ATP11C: variants seen among roughly 807,000 people sequenced by gnomAD.
ATP11C encodes the protein ATPase phospholipid transporting 11C (ATP11C blood group), also known as phospholipid-transporting ATPase IG.
In ATP11C, 36 loss-of-function variants were observed where a neutral mutation model predicts 97.4. The ratio of observed to expected loss-of-function variants is 0.37; its 90% CI spans 0.28 to 0.49. The LOEUF is 0.49. Among genes scored for constraint, ATP11C ranks in the 20% least tolerant of loss-of-function variants. The probability of loss-of-function intolerance (pLI) is 0.98; values close to 1 mark genes in which losing one functional copy is unlikely to be tolerated. For missense variants in ATP11C, 730 were observed against 824.6 expected (o/e 0.89, Z 1.40); for synonymous variants, 275 against 290.9 (o/e 0.95, Z 0.56).
intron 2 of ATP11C, among the ~76,000 whole-genome samples, chrX:139,824,123 C>CAAA (rs774186718): frequency 3.4e-5 from 2 of 59,301 alleles, no homozygotes; most frequent in African/African-American, 1.2e-4. Flanking sequence ...CTAAAAATAC[C>CAAA]AAAAAAAAAA....
chrX:139,854,731 A>C (rs1326214776), intron 1 of ATP11C, among the ~76,000 whole-genome samples: 1 of 112,680 alleles, frequency 8.9e-6, no homozygotes, highest in African/African-American at 3.2e-5. Flanking sequence ...GCAAAGTAAA[A>C]TATACTTTCA....
In ATP11C at chrX:139,900,238, A is replaced by C. The variant is rs1426410847; in HGVS notation, c.27+31778T>G. On this transcript the variant is annotated intron_variant, in intron 1 of 29. Transcript: ENST00000682941. Reference sequence around the variant, plus strand: ...ACAAAAATTAGCGGGGTGTGGTGGCATGCGCCTGTAGTCCCAGCTACTTGG... The same window carrying C: ...ACAAAAATTAGCGGGGTGTGGTGGCCTGCGCCTGTAGTCCCAGCTACTTGG... Among the ~76,000 whole-genome samples the C allele has an allele frequency of 1.0e-4, 11 of 109,915 alleles. No individual in the cohort carries two copies. In the Admixed American group the frequency reaches 1.1e-3, roughly 11 times the overall value.
At chrX:139,839,397 A>T (rs2485735) in intron 1 of ATP11C, among the ~76,000 whole-genome samples, 1,756 of 112,252 alleles carry the variant, frequency 0.016, 37 homozygotes, top group African/African-American at 0.054. Flanking sequence ...CACCTCAATA[A>T]AAAAGTAACT....
rs771388768 is a variant in ATP11C, at chrX:139,912,611, C to T, written c.27+19405G>A. Among the ~76,000 whole-genome samples, 11 of 111,409 alleles carry T rather than the reference C, an allele frequency of 9.9e-5. No individual in the cohort carries two copies. In the South Asian group the frequency reaches 4.2e-3, roughly 42 times the overall value. ...CCCACCCCCATACCTCAAAAAACTTCCACAATGTGAGGTACATATTAGGAA... is the reference window on the plus strand; with the variant it reads ...CCCACCCCCATACCTCAAAAAACTTTCACAATGTGAGGTACATATTAGGAA... On this transcript the variant is annotated intron_variant, in intron 1 of 29. Coordinates refer to ENST00000682941, the MANE Select transcript of ATP11C (RefSeq NM_001353812.2).
upstream of ATP11C, among the ~76,000 whole-genome samples, chrX:139,935,593 C>T (rs1055679004): frequency 1.8e-5 from 2 of 111,000 alleles, no homozygotes; most frequent in Non-Finnish European, 3.8e-5. Context: ...AAAGATATAG[C>T]AGTATTGTTG....
intron 1 of ATP11C, among the ~76,000 whole-genome samples, chrX:139,915,046 T>C (rs1162274971): frequency 8.9e-6 from 1 of 111,793 alleles, no homozygotes; most frequent in Non-Finnish European, 1.9e-5. Context: ...AACAATTCCA[T>C]AAACCTGCAA....
At chrX:139,830,185 T>G (rs1200275896) in intron 1 of ATP11C, among the ~76,000 whole-genome samples, 1 of 111,856 alleles carries the variant, frequency 8.9e-6, no homozygotes, top group Admixed American at 9.5e-5. Context: ...GGTCACACAG[T>G]GGATTTAAAC....
At chrX:139,809,298 AAACT>A (rs2083115434) in intron 5 of ATP11C, among the ~76,000 whole-genome samples, 2 of 111,998 alleles carry the variant, frequency 1.8e-5, no homozygotes, top group Admixed American at 1.9e-4. Flanking sequence ...ATGGATCAAC[AAACT>A]GTTATATACA....
In ATP11C at chrX:139,897,448, C is replaced by G. The variant is rs748553979; in HGVS notation, c.27+34568G>C. 1.2e-4 allele frequency among the ~76,000 whole-genome samples: 13 copies of G among 110,151 alleles called. No homozygotes were observed. In the South Asian group the frequency reaches 5.0e-3, roughly 43 times the overall value. On this transcript the variant is annotated intron_variant, in intron 1 of 29. Coordinates refer to ENST00000682941, the MANE Select transcript of ATP11C (RefSeq NM_001353812.2). The stretch of plus-strand genomic sequence containing the variant: ...CCTGTAATCCCAGCACTTTGGGAAG[C>G]CGAGGCGGGCGGACAGCTTGAGGCC...
In ATP11C at chrX:139,826,847, A is replaced by G. The variant is rs776891076; in HGVS notation, c.28-24T>C. On this transcript the variant is annotated intron_variant, in intron 1 of 29. Coordinates refer to ENST00000682941, the MANE Select transcript of ATP11C (RefSeq NM_001353812.2). ...CACTGACCAAGAGAAAAGGGAAAAAATTCAGTTTTTCATCACATTTGTCCA... is the reference window on the plus strand; with the variant it reads ...CACTGACCAAGAGAAAAGGGAAAAAGTTCAGTTTTTCATCACATTTGTCCA... 6.7e-5 allele frequency: 80 copies of G among 1,191,346 alleles called. 1 individual carries two copies. In the South Asian group the frequency reaches 1.4e-3, roughly 21 times the overall value.
chrX:139,809,205 GA>G lies in ATP11C; in HGVS notation c.427-4607del, dbSNP rs200699987. ...CAAAAGAATCAAAGGGAAAAACTCA[GA>G]TACTTATATACCAATGTTCACAGCA... On this transcript the variant is annotated intron_variant, in intron 5 of 29. Transcript: ENST00000682941. 5.9e-3 allele frequency among the ~76,000 whole-genome samples: 657 copies of G among 111,299 alleles called. 2 individuals carry two copies. The highest frequency in any genetic ancestry group is 0.02 in the African/African-American group (603 of 30,661).
rs1569418114 is a variant in ATP11C, at chrX:139,731,736, C to T, written c.3308G>A (p.Arg1103Lys). 8.4e-7 allele frequency: 1 copy of T among 1,185,721 alleles called. No homozygotes were observed. The highest frequency in any genetic ancestry group is 1.1e-6 in the Non-Finnish European group (1 of 878,286). ...TCTGGCGGATAATGAGTCAGATGCC[C>T]TTCTACAGCTCAGATTTCTCTGTAA... is the stretch of plus-strand genomic sequence containing the variant. ...RSARRNLSCRRASDSLSARPS... is the reference protein window; with the variant it reads ...RSARRNLSCRKASDSLSARPS... The change falls in exon 29 of 30, where the codon AGG becomes AAG. Residue 1103 changes from arginine (R) to lysine (K), a missense_variant. Transcript: ENST00000682941.
intron 1 of ATP11C, among the ~76,000 whole-genome samples, chrX:139,871,062 C>A (rs1374648625): frequency 1.9e-3 from 74 of 38,735 alleles, no homozygotes; most frequent in African/African-American, 2.9e-3. Context: ...GACTCCGTCT[C>A]AAAAAAAAAA....
At chrX:139,855,170 T>C (rs968678468) in intron 1 of ATP11C, among the ~76,000 whole-genome samples, 6 of 111,846 alleles carry the variant, frequency 5.4e-5, no homozygotes, top group Admixed American at 4.7e-4. Flanking sequence ...TTTGGCTTTC[T>C]TTGGTCTAAA....
chrX:139,906,707 G>A (rs1325280512), intron 1 of ATP11C, among the ~76,000 whole-genome samples: 3 of 109,366 alleles, frequency 2.7e-5, no homozygotes, highest in East Asian at 5.7e-4. Flanking sequence ...ACTTGAACCC[G>A]GGGAGCAGAG....
chrX:139,914,738 G>C (rs1213529668), intron 1 of ATP11C, among the ~76,000 whole-genome samples: 1 of 111,380 alleles, frequency 9.0e-6, no homozygotes, highest in Non-Finnish European at 1.9e-5. Flanking sequence ...GACTCTTCCT[G>C]AGTCTTGAAC....
At chrX:139,775,079 T>G in intron 18 of ATP11C, 126 bp from the exon 19 acceptor site, 16 of 681,609 alleles carry the variant, frequency 2.3e-5, no homozygotes, top group Non-Finnish European at 3.3e-5. Context: ...TTATCACGGT[T>G]GACTTTCATA....
chrX:139,881,092 A>G (rs2084554683), intron 1 of ATP11C, among the ~76,000 whole-genome samples: 1 of 111,918 alleles, frequency 8.9e-6, no homozygotes, highest in Admixed American at 9.5e-5. Flanking sequence ...ATTGCATAAT[A>G]AAAGAACTCT....
chrX:139,800,257 G>T, intron 7 of ATP11C, 147 bp from the exon 8 acceptor site: 1 of 432,682 alleles, frequency 2.3e-6, no homozygotes, highest in Non-Finnish European at 4.0e-6. Flanking sequence ...ATATTTCTGG[G>T]GGAAAAAAAG....
Sources: allele counts gnomAD v4.1 joint callset (sites outside exome capture counted in the v4.1 genomes callset), GRCh38; gene constraint gnomAD v4.1.1; transcripts MANE v1.5; gene names NCBI Gene and HGNC (gene_info 2026-07-23, HGNC 2026-07-21).